EYS: variants seen among roughly 807,000 people sequenced by gnomAD.
EYS encodes the protein EGF-like photoreceptor maintenance factor.
In EYS, 250 loss-of-function variants were observed where a neutral mutation model predicts 282.1. That is an observed-to-expected ratio of 0.89 (90% CI 0.80 to 0.98). The LOEUF (loss-of-function observed/expected upper bound fraction) is 0.98. Among genes scored for constraint, EYS ranks in the 50% least tolerant of loss-of-function variants. EYS has a pLI of 0.00. For synonymous variants in EYS, 1,355 were observed against 1,282.9 expected, an observed-to-expected ratio of 1.06 and a Z score of -1.20; for missense variants, 4,016 against 3,709.0, an observed-to-expected ratio of 1.08 and a Z score of -2.15.
intron 12 of EYS, among the ~76,000 whole-genome samples, chr6:65,173,803 T>C (rs1303702481): frequency 6.6e-6 from 1 of 151,210 alleles, no homozygotes; most frequent in East Asian, 2.0e-4. Context: ...CTGGAATTGA[T>C]TACCTTGAAA....
intron 22 of EYS, among the ~76,000 whole-genome samples, chr6:64,740,478 A>G (rs1772332848): frequency 6.6e-6 from 1 of 152,130 alleles, no homozygotes; most frequent in Non-Finnish European, 1.5e-5. Context: ...CATAACTTTT[A>G]ATGCTAATCT....
chr6:64,517,454 G>T (rs995079922), intron 26 of EYS, among the ~76,000 whole-genome samples: 1 of 151,812 alleles, frequency 6.6e-6, no homozygotes, highest in Non-Finnish European at 1.5e-5. Flanking sequence ...AATAAAAAAT[G>T]GTTTGGCAGT....
chr6:65,564,096 C>A (rs929597781), intron 2 of EYS, among the ~76,000 whole-genome samples: 5 of 152,054 alleles, frequency 3.3e-5, no homozygotes, highest in African/African-American at 1.2e-4. Context: ...GGGAGAACTA[C>A]AAACCACTGC....
At chr6:65,543,746 G>A (rs1306012393) in intron 2 of EYS, among the ~76,000 whole-genome samples, 4 of 151,842 alleles carry the variant, frequency 2.6e-5, no homozygotes, top group Non-Finnish European at 5.9e-5. Context: ...GATATTTTTT[G>A]CTTTTGCTCT....
chr6:64,670,848 A>G (rs1333651501), intron 22 of EYS, among the ~76,000 whole-genome samples: 3 of 152,080 alleles, frequency 2.0e-5, no homozygotes, highest in South Asian at 2.1e-4. Context: ...CTTCAGGTAT[A>G]TTAAGGATAG....
At position 65,111,516 on chromosome 6, in the gene EYS, C is replaced by T. The variant is rs1354609451; in HGVS notation, c.2024-53789G>A. On this transcript the variant is annotated intron_variant, in intron 12 of 42. Coordinates refer to ENST00000503581, the MANE Select transcript of EYS (RefSeq NM_001142800.2). The stretch of plus-strand genomic sequence containing the variant: ...GTCACAAAATTCTACATAATTGGCA[C>T]ATCTTACAAACCTTTATTTTGGACT... Among the ~76,000 whole-genome samples the T allele has an allele frequency of 3.9e-5, 6 of 152,146 alleles. No individual in the cohort carries two copies. The East Asian group carries it at 9.6e-4, about 24-fold the overall frequency.
At chr6:64,592,582 T>G (rs527883489) in intron 25 of EYS, among the ~76,000 whole-genome samples, 2 of 152,274 alleles carry the variant, frequency 1.3e-5, no homozygotes, top group African/African-American at 4.8e-5. Context: ...ATTGGCTACA[T>G]GAAGAGTAAA....
intron 33 of EYS, among the ~76,000 whole-genome samples, chr6:64,050,447 G>A (rs1355399481): frequency 6.6e-6 from 1 of 152,136 alleles, no homozygotes; most frequent in African/African-American, 2.4e-5. Flanking sequence ...TATAGTACCT[G>A]ACTCATAGTA....
At chr6:64,945,688 ATTT>A (rs993651222) in intron 15 of EYS, 102 bp downstream of exon 15, 29 of 1,064,792 alleles carry the variant, frequency 2.7e-5, no homozygotes, top group Middle Eastern at 2.1e-4. Flanking sequence ...CTGGATGGTT[ATTT>A]TAATTAAATG....
At chr6:65,495,660 A>G (rs2127272281) in intron 3 of EYS, 53 bp from the exon 4 acceptor site, 1 of 553,182 alleles carries the variant, frequency 1.8e-6, no homozygotes, top group South Asian at 2.1e-5. Flanking sequence ...TAAATTAATA[A>G]TATAGAAAAT....
At chr6:64,445,365 T>A (rs1775084976) in intron 26 of EYS, among the ~76,000 whole-genome samples, 1 of 152,168 alleles carries the variant, frequency 6.6e-6, no homozygotes, top group Non-Finnish European at 1.5e-5. Flanking sequence ...TACATTTTTA[T>A]TGTCTAGAAT....
At chr6:64,128,733 A>C (rs1773867776) in intron 31 of EYS, among the ~76,000 whole-genome samples, 1 of 152,234 alleles carries the variant, frequency 6.6e-6, no homozygotes, top group South Asian at 2.1e-4. Context: ...TCAAATAAAC[A>C]GTACTTATTC....
intron 7 of EYS, among the ~76,000 whole-genome samples, chr6:65,389,901 T>TAA (rs1765948411): frequency 6.6e-6 from 1 of 152,012 alleles, no homozygotes; most frequent in Non-Finnish European, 1.5e-5. Context: ...AGTGGATGTG[T>TAA]AAGTATGTTT....
chr6:64,637,682 C>T (rs1285731990), intron 22 of EYS, among the ~76,000 whole-genome samples: 1 of 89,798 alleles, frequency 1.1e-5, no homozygotes, highest in African/African-American at 4.2e-5. Flanking sequence ...ACCACGTCTA[C>T]ATTACTCTAC....
At chr6:65,688,385 G>C (rs1037838285) in intron 1 of EYS, among the ~76,000 whole-genome samples, 9 of 152,146 alleles carry the variant, frequency 5.9e-5, no homozygotes, top group Admixed American at 3.9e-4. Flanking sequence ...GCCATATGTA[G>C]AAAGCTGAAA....
intron 11 of EYS, 99 bp downstream of exon 11, chr6:65,334,881 T>C (rs1259098696): frequency 3.6e-6 from 4 of 1,126,692 alleles, no homozygotes; most frequent in Non-Finnish European, 3.9e-6. Flanking sequence ...ATCATTTTAA[T>C]CAACAAAAAC....
intron 5 of EYS, among the ~76,000 whole-genome samples, chr6:65,452,398 T>G (rs1468180566): frequency 2.6e-5 from 4 of 151,960 alleles, no homozygotes; most frequent in Non-Finnish European, 5.9e-5. Context: ...CAGATTTATC[T>G]GCTTAAAATA....
At chr6:64,646,238 A>T (rs1157901707) in intron 22 of EYS, among the ~76,000 whole-genome samples, 3 of 152,206 alleles carry the variant, frequency 2.0e-5, no homozygotes, top group Non-Finnish European at 4.4e-5. Flanking sequence ...TCGTATTTAT[A>T]ACCCTAAAAT....
At chr6:64,744,897 C>A (rs1020695409) in intron 22 of EYS, among the ~76,000 whole-genome samples, 7 of 152,024 alleles carry the variant, frequency 4.6e-5, no homozygotes, top group African/African-American at 1.4e-4. Flanking sequence ...AAAGATTTTT[C>A]TTCTCAGTAT....
Sources: allele counts gnomAD v4.1 joint callset (sites outside exome capture counted in the v4.1 genomes callset), GRCh38; gene constraint gnomAD v4.1.1; transcripts MANE v1.5; gene names NCBI Gene and HGNC (gene_info 2026-07-23, HGNC 2026-07-21).